The following HPSE2 variants were observed in gnomAD, a reference collection of about 807,000 sequenced individuals.
HPSE2 encodes the protein heparanase 2 (inactive), also known as inactive heparanase-2.
Under a neutral mutation model 60.5 loss-of-function variants are expected in HPSE2, and 38 were observed. That is an observed-to-expected ratio of 0.63 (90% confidence interval 0.48 to 0.82). HPSE2 has a LOEUF of 0.82. HPSE2 is among the 40% of genes least tolerant of loss of function. The pLI is 0.00. For missense variants in HPSE2, 713 were observed against 740.4 expected, an observed-to-expected ratio of 0.96 and a Z score of 0.43; for synonymous variants, 295 against 293.2, an observed-to-expected ratio of 1.01 and a Z score of -0.06.
chr10:98,999,177 G>GTGTGTGTC (rs1421021671), intron 3 of HPSE2, among the ~76,000 whole-genome samples: 44 of 151,898 alleles, frequency 2.9e-4, no homozygotes, highest in African/African-American at 1.0e-3. Flanking sequence ...GTGTGTGTGT[G>GTGTGTGTC]TGTGTGTGTG....
At chr10:99,185,470 G>A (rs1044514626) in intron 2 of HPSE2, among the ~76,000 whole-genome samples, 3 of 151,970 alleles carry the variant, frequency 2.0e-5, no homozygotes, top group African/African-American at 7.2e-5. Context: ...GCACATACAG[G>A]TACTGAAAAA....
intron 2 of HPSE2, among the ~76,000 whole-genome samples, chr10:99,201,941 A>G (rs186435282): frequency 1.3e-5 from 2 of 152,248 alleles, no homozygotes; most frequent in East Asian, 3.9e-4. Context: ...GCCCACCACA[A>G]TATCACCAGG....
chr10:98,482,299 C>T (rs1453225582), intron 11 of HPSE2, among the ~76,000 whole-genome samples: 1 of 152,160 alleles, frequency 6.6e-6, no homozygotes, highest in African/African-American at 2.4e-5. Context: ...CCATGGGGCA[C>T]TATTGGCATT....
At chr10:98,691,767 T>A (rs1948082908) in intron 6 of HPSE2, among the ~76,000 whole-genome samples, 1 of 152,204 alleles carries the variant, frequency 6.6e-6, no homozygotes, top group African/African-American at 2.4e-5. Context: ...TTCTGTGTAA[T>A]CTTTGGATTT....
At chr10:98,849,590 A>G (rs573499045) in intron 3 of HPSE2, among the ~76,000 whole-genome samples, 2 of 152,368 alleles carry the variant, frequency 1.3e-5, no homozygotes, top group African/African-American at 4.8e-5. Context: ...GTAAAAGTCA[A>G]GGATTTACTA....
intron 3 of HPSE2, among the ~76,000 whole-genome samples, chr10:98,980,814 A>C (rs939304692): frequency 6.6e-6 from 1 of 152,238 alleles, no homozygotes; most frequent in Non-Finnish European, 1.5e-5. Context: ...ATATTATTGC[A>C]TAGCTCAACT....
intron 3 of HPSE2, among the ~76,000 whole-genome samples, chr10:98,925,364 C>CTTTT (rs111785284): frequency 6.4e-4 from 95 of 147,508 alleles, no homozygotes; most frequent in African/African-American, 1.7e-3. Context: ...TTTTAATTGG[C>CTTTT]TTTTTTTTTT....
chr10:99,103,730 A>G (rs1373393959), intron 3 of HPSE2, among the ~76,000 whole-genome samples: 3 of 152,212 alleles, frequency 2.0e-5, no homozygotes, highest in Admixed American at 6.5e-5. Context: ...CTGACTTCAA[A>G]CTATACTACA....
At chr10:98,616,063 G>A (rs1945899229) in intron 8 of HPSE2, among the ~76,000 whole-genome samples, 1 of 151,858 alleles carries the variant, frequency 6.6e-6, no homozygotes, top group Non-Finnish European at 1.5e-5. Flanking sequence ...TTTAACTTCT[G>A]CTTAGAATTC....
At chr10:98,884,181 TGA>T (rs1564631958) in intron 3 of HPSE2, among the ~76,000 whole-genome samples, 1 of 152,076 alleles carries the variant, frequency 6.6e-6, no homozygotes, top group Non-Finnish European at 1.5e-5. Flanking sequence ...CTCTGAAGGC[TGA>T]GAGAGGTGAG....
chr10:98,831,894 G>A (rs567651443), intron 3 of HPSE2, among the ~76,000 whole-genome samples: 44 of 152,256 alleles, frequency 2.9e-4, no homozygotes, highest in African/African-American at 8.9e-4. Context: ...ACTTTCAACC[G>A]ATCTTTCTGC....
intron 3 of HPSE2, among the ~76,000 whole-genome samples, chr10:99,015,401 A>G (rs1957115774): frequency 6.6e-6 from 1 of 152,260 alleles, no homozygotes; most frequent in African/African-American, 2.4e-5. Flanking sequence ...CACAACAGAA[A>G]AGACTTGGAA....
chr10:98,863,905 T>C (rs1816383792), intron 3 of HPSE2, among the ~76,000 whole-genome samples: 1 of 152,112 alleles, frequency 6.6e-6, no homozygotes, highest in South Asian at 2.1e-4. Context: ...ACCATCATCA[T>C]AAATATACTC....
intron 3 of HPSE2, among the ~76,000 whole-genome samples, chr10:98,903,460 AT>A (rs748120840): frequency 1.3e-5 from 2 of 152,136 alleles, no homozygotes; most frequent in Non-Finnish European, 2.9e-5. Context: ...AGATAAAAAA[AT>A]AAAGGCAAAA....
chr10:98,752,203 T>C (rs1412769179), intron 3 of HPSE2, among the ~76,000 whole-genome samples: 1 of 152,064 alleles, frequency 6.6e-6, no homozygotes, highest in Non-Finnish European at 1.5e-5. Flanking sequence ...GATAGAAAAA[T>C]ATGTGACTGT....
chr10:99,291,001 GA>G, the HPSE2 span, among the ~76,000 whole-genome samples: 1 of 152,108 alleles, frequency 6.6e-6, no homozygotes, highest in Non-Finnish European at 1.5e-5. Context: ...TGATATAAGT[GA>G]AAAGGGTAAA....
At chr10:99,171,412 A>G (rs760788069) in intron 2 of HPSE2, among the ~76,000 whole-genome samples, 3 of 152,190 alleles carry the variant, frequency 2.0e-5, no homozygotes, top group Non-Finnish European at 4.4e-5. Context: ...GAACTCAGCC[A>G]TAAAGACAGA....
chr10:99,278,882 A>G, the HPSE2 span, among the ~76,000 whole-genome samples: 1 of 152,216 alleles, frequency 6.6e-6, no homozygotes, highest in South Asian at 2.1e-4. Flanking sequence ...TACTGAAAGT[A>G]CCAAAAGAGT....
chr10:99,247,906 G>A, the HPSE2 span, among the ~76,000 whole-genome samples: 21 of 152,302 alleles, frequency 1.4e-4, no homozygotes, highest in African/African-American at 5.1e-4. Flanking sequence ...CTCCAGCCAT[G>A]TAAGACATGC....
Sources: gnomAD v4.1 joint callset for allele counts (sites outside exome capture counted in the v4.1 genomes callset) on GRCh38, gnomAD v4.1.1 for gene constraint, MANE v1.5 for transcripts, NCBI Gene and HGNC (gene_info 2026-07-23, HGNC 2026-07-21) for gene names.